The following CC2D1A variants were observed in gnomAD, a reference collection of about 807,000 sequenced individuals.
CC2D1A encodes coiled-coil and C2 domain containing 1A, also known as coiled-coil and C2 domain-containing protein 1A.
Under a neutral mutation model 123.8 loss-of-function variants are expected in CC2D1A, and 68 were observed. That is an observed-to-expected ratio of 0.55 (90% CI 0.45 to 0.67). The LOEUF is 0.67. Ranked by LOEUF, CC2D1A falls within the 30% of genes least tolerant of loss-of-function variation. CC2D1A has a pLI of 0.00. For missense variants in CC2D1A, 1,185 were observed against 1,290.3 expected, an observed-to-expected ratio of 0.92 and a Z score of 1.25; for synonymous variants, 477 against 528.0, an observed-to-expected ratio of 0.90 and a Z score of 1.32.
At position 13,918,743 on chromosome 19, in the gene CC2D1A, C is replaced by T. The variant is rs759503584; in HGVS notation, c.947-3C>T. The T allele has an allele frequency of 6.2e-7, 1 of 1,610,164 alleles. No homozygotes were observed. The highest frequency in any genetic ancestry group is 1.7e-5 in the Admixed American group (1 of 59,692). ...TCATTGGCCTGGACCTCTCTGTCCCCAGACCAGCTGCCCCCAGACCCACCG... is the reference window on the plus strand; with the variant it reads ...TCATTGGCCTGGACCTCTCTGTCCCTAGACCAGCTGCCCCCAGACCCACCG... On this transcript the variant is annotated splice_polypyrimidine_tract_variant and splice_region_variant and intron_variant, in intron 8 of 28. Transcript: ENST00000318003.
chr19:13,920,829 C>T lies in CC2D1A; in HGVS notation c.1548C>T (p.Asp516=), dbSNP rs375858581. The change falls in exon 14 of 29, where the codon GAC becomes GAT. Residue 516 remains aspartate, a synonymous_variant. Transcript: ENST00000318003. ...QAALRAKQKN[D]VEGAKMHLRQ... is the part of the protein sequence containing the mutation. Reference sequence around the variant, plus strand: ...CACTGCGAGCCAAGCAGAAAAACGACGTGGAGGGTGCCAAGATGCACCTGC... The same window carrying T: ...CACTGCGAGCCAAGCAGAAAAACGATGTGGAGGGTGCCAAGATGCACCTGC... 1.7e-5 allele frequency: 28 copies of T among 1,614,006 alleles called. No individual in the cohort carries two copies. The African/African-American group carries it at 1.7e-4, about 10-fold the overall frequency.
In CC2D1A at chr19:13,930,092, C is replaced by G. The variant is rs1173353363; in HGVS notation, c.2725C>G (p.Leu909Val). ...TCCATTCTCAGAATACGCAGCCCAG[C>G]TGGAGCGGCAGCTGCAGTTCTACAC... ...VGIRREYAAQ[L>V]ERQLQFYTEA... The change falls in exon 27 of 29, where the codon CTG becomes GTG. Residue 909 changes from leucine (L) to valine (V), a missense_variant. Transcript: ENST00000318003. The surrounding 1 kb of genome is among the most constrained non-coding windows in gnomAD (Gnocchi z 6.8). 6.2e-7 allele frequency: 1 copy of G among 1,613,050 alleles called. No homozygotes were observed. The highest frequency in any genetic ancestry group is 8.5e-7 in the Non-Finnish European group (1 of 1,179,660).
chr19:13,913,063 A>T, intron 4 of CC2D1A, 105 bp from the exon 5 acceptor site: 1 of 1,211,034 alleles, frequency 8.3e-7, no homozygotes, highest in Non-Finnish European at 1.1e-6. Context: ...GGGGCAGGGG[A>T]GGCTGGTCCA....
chr19:13,918,898 C>T lies in CC2D1A; in HGVS notation c.1019-14C>T. On this transcript the variant is annotated splice_polypyrimidine_tract_variant and intron_variant, in intron 9 of 28. Transcript: ENST00000318003. ...ATCCGTTGACTCTTAACCTTGTCCC[C>T]CTGTCCGGCCCAGAGGTGCCCCCAC... is the stretch of plus-strand genomic sequence containing the variant. 6.2e-7 allele frequency: 1 copy of T among 1,607,116 alleles called. No individual in the cohort carries two copies. The highest frequency in any genetic ancestry group is 8.5e-7 in the Non-Finnish European group (1 of 1,175,806).
chr19:13,909,519 C>T (rs1316543370), intron 1 of CC2D1A, among the ~76,000 whole-genome samples: 1 of 152,174 alleles, frequency 6.6e-6, no homozygotes, highest in Non-Finnish European at 1.5e-5. Context: ...AGGCGTGAGC[C>T]ACTGCGCCCA....
At chr19:13,916,336 G>A (rs1971207048) in intron 6 of CC2D1A, among the ~76,000 whole-genome samples, 3 of 152,086 alleles carry the variant, frequency 2.0e-5, no homozygotes. Context: ...AGGCCAAGGT[G>A]GGAGGATCGC....
chr19:13,920,797 C>A lies in CC2D1A; in HGVS notation c.1516C>A (p.Gln506Lys). ...FLEGRKKQLL[Q>K]AALRAKQKND... ...AGAGGGCCGCAAGAAGCAGCTCCTG[C>A]AGGCCGCACTGCGAGCCAAGCAGAA... The change falls in exon 14 of 29, where the codon CAG becomes AAG. Residue 506 changes from glutamine to lysine, a missense_variant. Coordinates refer to ENST00000318003, the MANE Select transcript of CC2D1A (RefSeq NM_017721.5). The A allele has an allele frequency of 6.2e-7, 1 of 1,614,046 alleles. No individual in the cohort carries two copies. Among genetic ancestry groups the A allele is most frequent in the African/African-American group, 1.3e-5 (1 of 75,062 alleles).
intron 19 of CC2D1A, 44 bp downstream of exon 19, chr19:13,926,769 C>T: frequency 6.2e-6 from 10 of 1,613,990 alleles, no homozygotes; most frequent in Non-Finnish European, 8.5e-6. Context: ...CCTCAGTGGG[C>T]CAAAGCCAGG....
chr19:13,923,568 C>A lies in CC2D1A; in HGVS notation c.1785C>A (p.Asn595Lys). 1 of 1,614,070 alleles carries A rather than the reference C, an allele frequency of 6.2e-7. No individual in the cohort carries two copies. Among genetic ancestry groups the A allele is most frequent in the Non-Finnish European group, 8.5e-7 (1 of 1,180,004 alleles). The part of the protein sequence containing the change: ...QQHEMCLNHS[N>K]QFTQLGNITE... Reference sequence around the variant, plus strand: ...CCCAGATGTGCCTGAACCACTCAAACCAATTCACCCAGCTGGGCAACATCA... The same window carrying A: ...CCCAGATGTGCCTGAACCACTCAAAACAATTCACCCAGCTGGGCAACATCA... The change falls in exon 16 of 29, where the codon AAC becomes AAA. Residue 595 changes from asparagine to lysine, a missense_variant. Asn to Lys is a moderately conservative substitution (Grantham distance 94, BLOSUM62 0). Transcript: ENST00000318003. The surrounding 1 kb of genome is among the most constrained non-coding windows in gnomAD (Gnocchi z 5.3).
intron 22 of CC2D1A, chr19:13,927,543 C>CTTTTTTTAA: frequency 2.1e-6 from 1 of 481,134 alleles, no homozygotes; most frequent in Non-Finnish European, 3.8e-6. Context: ...CTTTGGGAGG[C>CTTTTTTTAA]TGAGGCGGGC....
At chr19:13,909,144 G>A (rs1407069150) in intron 1 of CC2D1A, among the ~76,000 whole-genome samples, 1 of 151,878 alleles carries the variant, frequency 6.6e-6, no homozygotes, top group African/African-American at 2.4e-5. Flanking sequence ...AGGCCGAGGC[G>A]GGCAGATCAT....
chr19:13,913,152 C>T lies in CC2D1A; in HGVS notation c.379-16C>T, dbSNP rs1408975839. ...AGTGGGGTCACCACCCACACTGTGC[C>T]CCTGCCCTCCCACAGCCGAAGCCTG... is the stretch of plus-strand genomic sequence containing the variant. On this transcript the variant is annotated splice_polypyrimidine_tract_variant and intron_variant, in intron 4 of 28. Transcript: ENST00000318003. 2.5e-6 allele frequency: 4 copies of T among 1,593,320 alleles called. No individual in the cohort carries two copies. The highest frequency in any genetic ancestry group is 1.8e-5 in the Admixed American group (1 of 56,052).
intron 26 of CC2D1A, among the ~76,000 whole-genome samples, 175 bp downstream of exon 26, chr19:13,929,835 A>C (rs185930616): frequency 1.9e-3 from 16 of 8,434 alleles, no homozygotes; most frequent in Admixed American, 5.2e-3. Context: ...GGGCACCTGG[A>C]GGGGGAGGGG....
chr19:13,906,555 C>T lies in CC2D1A; in HGVS notation c.60+54C>T, dbSNP rs548581507. The T allele has an allele frequency of 3.2e-6, 4 of 1,257,838 alleles. No homozygotes were observed. The highest frequency in any genetic ancestry group is 3.2e-6 in the Non-Finnish European group (3 of 947,468). 77.9% of individuals were successfully genotyped at this position (1,257,838 alleles called of 1,614,324 possible). Reference sequence around the variant, plus strand: ...GGGATCCCTCCCCACCCCCGTCACTCGCTCAGGGAAGGGCCCCACCCCCCA... The same window carrying T: ...GGGATCCCTCCCCACCCCCGTCACTTGCTCAGGGAAGGGCCCCACCCCCCA... On this transcript the variant is annotated intron_variant, in intron 1 of 28. Coordinates refer to ENST00000318003, the MANE Select transcript of CC2D1A (RefSeq NM_017721.5). This position sits in a 1 kb window ranked among gnomAD's most constrained non-coding sequence, Gnocchi z 4.1.
At position 13,927,937 on chromosome 19, in the gene CC2D1A, G is replaced by T. The variant is rs1473540748; in HGVS notation, c.2361G>T (p.Met787Ile). The T allele has an allele frequency of 6.2e-7, 1 of 1,613,622 alleles. No homozygotes were observed. Among genetic ancestry groups the T allele is most frequent in the East Asian group, 2.2e-5 (1 of 44,888 alleles). ...RRPTGGRLEV[M>I]VRIREPLTAQ... ...CCACAGGGGGGCGACTGGAGGTAATGGTCCGGATTCGGGAGCCACTGACAG... is the reference window on the plus strand; with the variant it reads ...CCACAGGGGGGCGACTGGAGGTAATTGTCCGGATTCGGGAGCCACTGACAG... The change falls in exon 23 of 29, where the codon ATG becomes ATT. Residue 787 changes from methionine (M) to isoleucine (I), a missense_variant. By Grantham distance (10) the Met-to-Ile change is conservative (BLOSUM62 1). Transcript: ENST00000318003.
At chr19:13,918,342 C>T in intron 7 of CC2D1A, 148 bp downstream of exon 7, 12 of 1,161,454 alleles carry the variant, frequency 1.0e-5, no homozygotes, top group Non-Finnish European at 1.4e-5. Context: ...TTTACCCCCT[C>T]TGTGAAATGG....
rs775590696 is a variant in CC2D1A, at chr19:13,912,412, G to A, written c.286G>A (p.Asp96Asn). 7 of 1,613,760 alleles carry A rather than the reference G, an allele frequency of 4.3e-6. No homozygotes were observed. Among genetic ancestry groups the A allele is most frequent in the African/African-American group, 4.0e-5 (3 of 75,056 alleles). ...TGAGGAGGAGGGGACGGATGAGGAC[G>A]ACTTGGAGGCTGATGATGACCTGCT... Reference protein sequence around the residue: ...EDEEEGTDEDDLEADDDLLAE... With the variant: ...EDEEEGTDEDNLEADDDLLAE... Residue 96 changes from aspartate (D) to asparagine (N), a missense_variant, in exon 3 of 29, where the codon GAC (aspartate) becomes AAC (asparagine). By Grantham distance (23) the Asp-to-Asn change is conservative. Transcript: ENST00000318003.
Position 13,927,924 on chromosome 19 carries a change from G to A in CC2D1A, c.2348G>A (p.Arg783Gln), listed in dbSNP as rs748968748. Residue 783 changes from arginine (R) to glutamine (Q), a missense_variant, in exon 23 of 29, where the codon CGA becomes CAA. Physicochemically the swap from Arg to Gln is conservative, Grantham distance 43. Transcript: ENST00000318003. ...GATGGTCGCCGGCCCACAGGGGGGC[G>A]ACTGGAGGTAATGGTCCGGATTCGG... ...VLDGRRPTGG[R>Q]LEVMVRIREP... 2.1e-5 allele frequency: 34 copies of A among 1,613,452 alleles called. No homozygotes were observed. The East Asian group carries it at 4.2e-4, about 20-fold the overall frequency.
intron 14 of CC2D1A, 142 bp downstream of exon 14, chr19:13,921,064 GAGAC>G: frequency 2.5e-6 from 2 of 808,264 alleles, no homozygotes; most frequent in East Asian, 2.8e-5. Context: ...TGGCTGAAAG[GAGAC>G]AGACATTTAT....
Sources: allele counts gnomAD v4.1 joint callset (sites outside exome capture counted in the v4.1 genomes callset), GRCh38; gene constraint gnomAD v4.1.1; non-coding constraint Gnocchi (gnomAD v3.1); transcripts MANE v1.5; gene names NCBI Gene and HGNC (gene_info 2026-07-23, HGNC 2026-07-21).